The following TEX26 variants were observed in gnomAD, a reference collection of about 807,000 sequenced individuals.
The protein encoded by TEX26 is testis-expressed protein 26.
In TEX26, 34 loss-of-function variants were observed where a neutral mutation model predicts 35.3. The observed-to-expected ratio is 0.96, with a 90% CI of 0.73 to 1.28. The LOEUF (loss-of-function observed/expected upper bound fraction) is 1.28, where lower values mean the gene tolerates loss of function less well. Among genes scored for constraint, TEX26 ranks in the 50% most tolerant of loss-of-function variants. The pLI is 0.00. For missense variants in TEX26, 371 were observed against 330.1 expected (o/e 1.12, Z -0.96); for synonymous variants, 136 against 111.8 (o/e 1.22, Z -1.36).
intron 2 of TEX26, among the ~76,000 whole-genome samples, chr13:30,950,072 A>G (rs1243892281): frequency 6.6e-6 from 1 of 152,216 alleles, no homozygotes; most frequent in Non-Finnish European, 1.5e-5. Flanking sequence ...CAAGATTCCT[A>G]TTTCTCAGTT....
chr13:30,969,086 T>G (rs1954635399), intron 6 of TEX26, 40 bp downstream of exon 6: 1 of 1,537,962 alleles, frequency 6.5e-7, no homozygotes, highest in Non-Finnish European at 8.8e-7. Flanking sequence ...CAGATCACAA[T>G]ACATTGCTTT....
At chr13:30,967,979 G>A (rs954038726) in intron 5 of TEX26, among the ~76,000 whole-genome samples, 28 of 152,180 alleles carry the variant, frequency 1.8e-4, no homozygotes, top group Non-Finnish European at 3.2e-4. Flanking sequence ...CACAGGAGAT[G>A]TCCTGAAAGA....
chr13:30,949,486 T>C (rs1339537882), intron 2 of TEX26, among the ~76,000 whole-genome samples: 13 of 152,094 alleles, frequency 8.5e-5, no homozygotes, highest in Admixed American at 2.6e-4. Flanking sequence ...TAAATGTTAA[T>C]ATATATTTTG....
chr13:30,948,059 T>G (rs937844689), intron 2 of TEX26, among the ~76,000 whole-genome samples: 6 of 152,160 alleles, frequency 3.9e-5, no homozygotes, highest in South Asian at 2.1e-4. Flanking sequence ...TCCCTACAAA[T>G]GACATGAACT....
At chr13:30,968,623 T>A (rs1354935671) in intron 5 of TEX26, among the ~76,000 whole-genome samples, 1 of 152,202 alleles carries the variant, frequency 6.6e-6, no homozygotes, top group Non-Finnish European at 1.5e-5. Context: ...CTGAAAGTGA[T>A]GGTCAAACTC....
chr13:30,960,121 C>A (rs1392540959), intron 4 of TEX26, among the ~76,000 whole-genome samples: 2 of 152,204 alleles, frequency 1.3e-5, no homozygotes, highest in African/African-American at 2.4e-5. Context: ...CTCCAACACA[C>A]CCTTTCTTAG....
chr13:30,942,153 C>G (rs577141449), intron 2 of TEX26, among the ~76,000 whole-genome samples: 1 of 152,282 alleles, frequency 6.6e-6, no homozygotes, highest in South Asian at 2.1e-4. Flanking sequence ...TCTCTTTTCA[C>G]CACATCGTTG....
intron 4 of TEX26, among the ~76,000 whole-genome samples, chr13:30,962,512 T>C (rs1300605517): frequency 6.6e-6 from 1 of 152,232 alleles, no homozygotes; most frequent in Non-Finnish European, 1.5e-5. Flanking sequence ...TCTGGAAGCC[T>C]TCTTTGATCC....
chr13:30,966,595 G>A (rs950724255), intron 5 of TEX26, among the ~76,000 whole-genome samples, 197 bp downstream of exon 5: 1 of 151,938 alleles, frequency 6.6e-6, no homozygotes, highest in African/African-American at 2.4e-5. Flanking sequence ...GCACCACCAT[G>A]CCCAGCTAAT....
intron 1 of TEX26, among the ~76,000 whole-genome samples, chr13:30,937,787 T>C (rs909973682): frequency 6.6e-6 from 1 of 152,056 alleles, no homozygotes; most frequent in Non-Finnish European, 1.5e-5. Flanking sequence ...TAAGTGGAGG[T>C]AGAACTTCAG....
At chr13:30,956,121 A>C (rs955930745) in intron 3 of TEX26, among the ~76,000 whole-genome samples, 2 of 149,564 alleles carry the variant, frequency 1.3e-5, no homozygotes, top group African/African-American at 2.5e-5. Context: ...CCCATTAACT[A>C]GTCATTTAGC....
At position 30,942,288 on chromosome 13, in the gene TEX26, G is replaced by A. The variant is rs147049707; in HGVS notation, c.146+2510G>A. Among the ~76,000 whole-genome samples, 349 of 151,978 alleles carry A rather than the reference G, an allele frequency of 2.3e-3. 5 individuals are homozygous for A. The highest frequency in any genetic ancestry group is 8.2e-3 in the African/African-American group (339 of 41,516). ...CTGATGATTAGCAATGTTGAGCATT[G>A]TTTTTCATATGTTTTTGGCCATTTG... On this transcript the variant is annotated intron_variant, in intron 2 of 6. Coordinates refer to ENST00000380473, the MANE Select transcript of TEX26 (RefSeq NM_152325.3).
At chr13:30,932,803 C>CG (rs1566134181) in intron 1 of TEX26, 27 bp downstream of exon 1, 1 of 1,609,500 alleles carries the variant, frequency 6.2e-7, no homozygotes, top group Admixed American at 1.7e-5. Context: ...TGCCGGTCTG[C>CG]GGGGCGGGGC....
intron 4 of TEX26, among the ~76,000 whole-genome samples, chr13:30,963,480 C>T (rs764408888): frequency 6.6e-6 from 1 of 152,132 alleles, no homozygotes; most frequent in South Asian, 2.1e-4. Flanking sequence ...ACAAAAGCCT[C>T]AATTTTAAAG....
At chr13:30,955,360 T>C (rs8000064) in intron 3 of TEX26, among the ~76,000 whole-genome samples, 31,334 of 152,128 alleles carry the variant, frequency 0.21, 4,471 homozygotes, top group African/African-American at 0.41. Context: ...GAGGAACTTG[T>C]TAAACAACAA....
At chr13:30,957,473 A>G (rs1954182095) in intron 4 of TEX26, among the ~76,000 whole-genome samples, 1 of 152,210 alleles carries the variant, frequency 6.6e-6, no homozygotes, top group Non-Finnish European at 1.5e-5. Context: ...TACAGGGCAT[A>G]CTAAAGAGTT....
At chr13:30,968,269 G>T (rs953813487) in intron 5 of TEX26, among the ~76,000 whole-genome samples, 3 of 152,294 alleles carry the variant, frequency 2.0e-5, no homozygotes, top group African/African-American at 7.2e-5. Flanking sequence ...GAGAAGAGGA[G>T]ACCTGGCTAG....
chr13:30,967,960 C>T (rs1371838056), intron 5 of TEX26, among the ~76,000 whole-genome samples: 1 of 152,070 alleles, frequency 6.6e-6, no homozygotes, highest in Admixed American at 6.5e-5. Context: ...CTGTGCCATC[C>T]CAAATGTGCA....
intron 2 of TEX26, among the ~76,000 whole-genome samples, chr13:30,952,001 A>ATTTTTTTTTTTTT (rs751918742): frequency 2.8e-4 from 14 of 50,710 alleles, no homozygotes; most frequent in African/African-American, 6.9e-4. Flanking sequence ...TTATTCTGGG[A>ATTTTTTTTTTTTT]TTTTTTTTTT....
Sources: allele counts gnomAD v4.1 joint callset (sites outside exome capture counted in the v4.1 genomes callset), GRCh38; gene constraint gnomAD v4.1.1; transcripts MANE v1.5; gene names NCBI Gene and HGNC (gene_info 2026-07-23, HGNC 2026-07-21).